Variants in AUTS2 observed in about 807,000 individuals in gnomAD.
AUTS2 encodes the protein activator of transcription and developmental regulator AUTS2.
Under a neutral mutation model 112.4 loss-of-function variants are expected in AUTS2, and 17 were observed. The observed-to-expected ratio is 0.15, with a 90% confidence interval of 0.10 to 0.23. AUTS2 has a LOEUF of 0.23. Among genes scored for constraint, AUTS2 ranks in the 10% least tolerant of loss-of-function variants. The pLI is 1.00. For missense variants in AUTS2, 1,510 were observed against 1,701.6 expected (o/e 0.89, Z 1.98); for synonymous variants, 751 against 702.7 (o/e 1.07, Z -1.09).
intron 5 of AUTS2, among the ~76,000 whole-genome samples, chr7:70,695,306 G>T (rs552506486): frequency 6.6e-6 from 1 of 152,192 alleles, no homozygotes; most frequent in Admixed American, 6.5e-5. Flanking sequence ...GGTCGTGCCC[G>T]GGAGGGCCTG....
intron 2 of AUTS2, among the ~76,000 whole-genome samples, chr7:70,102,805 T>C (rs1804570494): frequency 6.6e-6 from 1 of 152,168 alleles, no homozygotes; most frequent in Non-Finnish European, 1.5e-5. Context: ...GTAAATGAAA[T>C]TATATTCTCA....
intron 5 of AUTS2, among the ~76,000 whole-genome samples, chr7:70,544,690 C>T (rs1025217095): frequency 1.3e-5 from 2 of 152,164 alleles, no homozygotes; most frequent in African/African-American, 4.8e-5. Context: ...ACTTTGACCA[C>T]CAGGAGACCA....
At chr7:70,271,081 G>A (rs1787672024) in intron 4 of AUTS2, among the ~76,000 whole-genome samples, 1 of 152,020 alleles carries the variant, frequency 6.6e-6, no homozygotes, top group Non-Finnish European at 1.5e-5. Context: ...CCTGACAAGT[G>A]TTGCGAGCAT....
At chr7:69,993,405 C>A (rs1334974901) in intron 2 of AUTS2, among the ~76,000 whole-genome samples, 2 of 152,052 alleles carry the variant, frequency 1.3e-5, no homozygotes, top group Admixed American at 1.3e-4. Flanking sequence ...CTACTGTTAC[C>A]AAAGAGTGAA....
At chr7:70,025,979 T>C (rs1019169214) in intron 2 of AUTS2, among the ~76,000 whole-genome samples, 1 of 152,144 alleles carries the variant, frequency 6.6e-6, no homozygotes, top group Non-Finnish European at 1.5e-5. Flanking sequence ...CACGAAAAGC[T>C]GTAAGGAGTG....
intron 4 of AUTS2, among the ~76,000 whole-genome samples, chr7:70,249,490 A>G (rs1254846300): frequency 6.6e-6 from 1 of 152,122 alleles, no homozygotes; most frequent in Non-Finnish European, 1.5e-5. Flanking sequence ...GCGTTCTTAG[A>G]GGCTATGATT....
intron 5 of AUTS2, among the ~76,000 whole-genome samples, chr7:70,533,597 A>G (rs1280339683): frequency 2.0e-5 from 3 of 152,220 alleles, no homozygotes; most frequent in East Asian, 1.9e-4. Context: ...TTGTAGCTCT[A>G]TGCTGGAACT....
chr7:70,699,654 C>A (rs1225835361), intron 6 of AUTS2, among the ~76,000 whole-genome samples: 2 of 152,138 alleles, frequency 1.3e-5, no homozygotes, highest in African/African-American at 4.8e-5. Context: ...TGCCGTTACT[C>A]CCAGAATTAC....
intron 1 of AUTS2, among the ~76,000 whole-genome samples, chr7:69,755,181 G>A (rs562062794): frequency 1.3e-5 from 2 of 152,126 alleles, no homozygotes; most frequent in Non-Finnish European, 2.9e-5. Context: ...TGGCCTTATC[G>A]AGAACAAGAA....
chr7:70,173,698 G>C (rs1055774017), intron 4 of AUTS2, among the ~76,000 whole-genome samples: 1 of 152,132 alleles, frequency 6.6e-6, no homozygotes, highest in African/African-American at 2.4e-5. Context: ...TCATGTCTCT[G>C]TGTGACATTT....
chr7:70,572,212 C>T lies in AUTS2; in HGVS notation c.691-126357C>T, dbSNP rs1165840889. Among the ~76,000 whole-genome samples, 3 of 152,162 alleles carry T rather than the reference C, an allele frequency of 2.0e-5. No homozygotes were observed. In the East Asian group the frequency reaches 5.8e-4, roughly 30 times the overall value. Reference sequence around the variant, plus strand: ...ACATGCCGCGGGCTTGGGCGGATGCCTGGCATGTGAAGTGATCCAGGGTGC... The same window carrying T: ...ACATGCCGCGGGCTTGGGCGGATGCTTGGCATGTGAAGTGATCCAGGGTGC... On this transcript the variant is annotated intron_variant, in intron 5 of 18. Transcript: ENST00000342771.
intron 4 of AUTS2, among the ~76,000 whole-genome samples, chr7:70,319,585 T>G (rs1439298004): frequency 2.6e-5 from 4 of 152,206 alleles, no homozygotes; most frequent in South Asian, 4.1e-4. Flanking sequence ...GTCTCTCCTG[T>G]GTGTTTAGTG....
chr7:70,090,000 G>C (rs947271315), intron 2 of AUTS2, among the ~76,000 whole-genome samples: 1 of 129,898 alleles, frequency 7.7e-6, no homozygotes, highest in Admixed American at 7.5e-5. Context: ...CAGAGAGACT[G>C]TTTCAAAACA....
intron 4 of AUTS2, among the ~76,000 whole-genome samples, chr7:70,270,628 C>A (rs1264514762): frequency 6.6e-6 from 1 of 152,122 alleles, no homozygotes; most frequent in African/African-American, 2.4e-5. Context: ...TAACTCATTG[C>A]AATGGCTCTG....
intron 6 of AUTS2, among the ~76,000 whole-genome samples, chr7:70,735,568 A>G (rs1787734583): frequency 6.6e-6 from 1 of 152,166 alleles, no homozygotes; most frequent in South Asian, 2.1e-4. Context: ...ATGCGGGTGC[A>G]TCACCCTGTC....
At chr7:70,084,433 G>A (rs1366656250) in intron 2 of AUTS2, among the ~76,000 whole-genome samples, 2 of 152,148 alleles carry the variant, frequency 1.3e-5, no homozygotes, top group Non-Finnish European at 2.9e-5. Context: ...CTAGGTATAT[G>A]CTAAATGTTC....
chr7:70,498,292 T>C (rs1386107610), intron 5 of AUTS2, among the ~76,000 whole-genome samples: 1 of 152,222 alleles, frequency 6.6e-6, no homozygotes, highest in East Asian at 1.9e-4. Context: ...ATTCTGAGGT[T>C]GGTACATGGC....
At chr7:69,887,350 A>T (rs780297826) in intron 1 of AUTS2, among the ~76,000 whole-genome samples, 6 of 142,896 alleles carry the variant, frequency 4.2e-5, no homozygotes, top group Non-Finnish European at 9.1e-5. Flanking sequence ...CGGGAGGTGG[A>T]GGTTGCAGTG....
intron 2 of AUTS2, among the ~76,000 whole-genome samples, chr7:70,047,672 A>T (rs1474611135): frequency 6.6e-6 from 1 of 152,188 alleles, no homozygotes; most frequent in African/African-American, 2.4e-5. Flanking sequence ...ATTGGGACAT[A>T]GATGGTATAA....
Sources: gnomAD v4.1 joint callset for allele counts (sites outside exome capture counted in the v4.1 genomes callset) on GRCh38, gnomAD v4.1.1 for gene constraint, MANE v1.5 for transcripts, NCBI Gene and HGNC (gene_info 2026-07-23, HGNC 2026-07-21) for gene names.